The following BMPR1A variants were observed in gnomAD, a reference collection of about 807,000 sequenced individuals.
BMPR1A encodes the protein bone morphogenetic protein receptor type 1A.
In BMPR1A, 7 loss-of-function variants were observed where a neutral mutation model predicts 66.0. That is an observed-to-expected ratio of 0.11 (90% confidence interval 0.06 to 0.20). The LOEUF is 0.20. Ranked by LOEUF, BMPR1A falls within the 10% of genes least tolerant of loss-of-function variation. The probability of loss-of-function intolerance (pLI) is 1.00; values close to 1 mark genes in which losing one functional copy is unlikely to be tolerated. For missense variants in BMPR1A, 408 were observed against 669.1 expected, an observed-to-expected ratio of 0.61 and a Z score of 4.31; for synonymous variants, 200 against 229.7, an observed-to-expected ratio of 0.87 and a Z score of 1.17.
At chr10:86,831,170 C>T (rs1214743048) in intron 1 of BMPR1A, among the ~76,000 whole-genome samples, 1 of 152,210 alleles carries the variant, frequency 6.6e-6, no homozygotes, top group Non-Finnish European at 1.5e-5. Flanking sequence ...TCTTCGTCTG[C>T]ATCAGTACAG....
chr10:86,797,263 C>T (rs1396731514), intron 1 of BMPR1A, among the ~76,000 whole-genome samples: 6 of 113,932 alleles, frequency 5.3e-5, no homozygotes, highest in East Asian at 4.2e-4. Flanking sequence ...CGGAGTCTTG[C>T]TCTGTTGTCT....
intron 1 of BMPR1A, among the ~76,000 whole-genome samples, chr10:86,806,701 A>G (rs1841893174): frequency 6.6e-6 from 1 of 151,648 alleles, no homozygotes; most frequent in African/African-American, 2.4e-5. Flanking sequence ...ACAGGTGCAC[A>G]CCACCAAACC....
At chr10:86,842,956 C>A (rs930612807) in intron 2 of BMPR1A, among the ~76,000 whole-genome samples, 1 of 152,090 alleles carries the variant, frequency 6.6e-6, no homozygotes, top group African/African-American at 2.4e-5. Context: ...ATGGGAGCTA[C>A]AATTCAAGAG....
At chr10:86,799,516 TTTTCTTTTCTTTTC>T (rs1426133103) in intron 1 of BMPR1A, among the ~76,000 whole-genome samples, 170 of 121,554 alleles carry the variant, frequency 1.4e-3, no homozygotes, top group African/African-American at 4.6e-3. Context: ...CTTTCTTTTC[TTTTCTTTTCTTTTC>T]TTTCTTTTCT....
In BMPR1A at chr10:86,925,339, A is replaced by G. The variant is rs1254505693; in HGVS notation, c.*1620A>G. 5 of 221,106 alleles carry G rather than the reference A, an allele frequency of 2.3e-5. No individual in the cohort carries two copies. Among genetic ancestry groups the G allele is most frequent in the Non-Finnish European group, 4.5e-5 (5 of 110,728 alleles). 13.7% of individuals were successfully genotyped at this position (221,106 alleles called of 1,614,324 possible). ...AAAATAAATGTGATTATATCACATC[A>G]TCATCAAAAAGGTTTAAATTAAATG... On this transcript the variant is annotated 3_prime_UTR_variant, in exon 13 of 13. Coordinates refer to ENST00000372037, the MANE Select transcript of BMPR1A (RefSeq NM_004329.3).
At chr10:86,760,244 CTTTCTTTTT>C (rs1429861194) in intron 1 of BMPR1A, among the ~76,000 whole-genome samples, 7 of 27,824 alleles carry the variant, frequency 2.5e-4, no homozygotes, top group Non-Finnish European at 3.9e-4. Context: ...TTCTTTCTTT[CTTTCTTTTT>C]TTTTTTTTTT....
intron 7 of BMPR1A, among the ~76,000 whole-genome samples, chr10:86,902,526 TC>T (rs1589283856): frequency 1.3e-5 from 2 of 152,170 alleles, no homozygotes; most frequent in East Asian, 3.8e-4. Flanking sequence ...CTTAAGGAAA[TC>T]TGTTCAGCCC....
At chr10:86,861,638 T>C (rs1480369427) in intron 2 of BMPR1A, among the ~76,000 whole-genome samples, 1 of 152,250 alleles carries the variant, frequency 6.6e-6, no homozygotes, top group Non-Finnish European at 1.5e-5. Context: ...CATGTGGTAC[T>C]GTAAAAGCAT....
chr10:86,762,302 C>A (rs1841074926), intron 1 of BMPR1A, among the ~76,000 whole-genome samples: 1 of 152,208 alleles, frequency 6.6e-6, no homozygotes, highest in South Asian at 2.1e-4. Context: ...AGGTTATAGA[C>A]CTCGTATCGA....
chr10:86,896,858 G>C (rs904960811), intron 5 of BMPR1A, among the ~76,000 whole-genome samples: 1 of 152,184 alleles, frequency 6.6e-6, no homozygotes, highest in Non-Finnish European at 1.5e-5. Context: ...ACGCCAGCAA[G>C]CATTTTGACC....
chr10:86,881,101 T>C (rs1198573888), intron 3 of BMPR1A, among the ~76,000 whole-genome samples: 3 of 151,882 alleles, frequency 2.0e-5, no homozygotes, highest in Non-Finnish European at 4.4e-5. Flanking sequence ...AAATTTTAAT[T>C]AGCTGAGTGT....
chr10:86,925,819 C>G lies in BMPR1A; in HGVS notation c.*2100C>G, dbSNP rs1843732917. 1 of 154,992 alleles carries G rather than the reference C, an allele frequency of 6.5e-6. No individual in the cohort carries two copies. The highest frequency in any genetic ancestry group is 6.9e-5 in the Admixed American group (1 of 14,470). 9.6% of individuals were successfully genotyped at this position (154,992 alleles called of 1,614,324 possible). On this transcript the variant is annotated 3_prime_UTR_variant, in exon 13 of 13. Coordinates refer to ENST00000372037, the MANE Select transcript of BMPR1A (RefSeq NM_004329.3). ...CTCGGCTCACTGCAAGCTCCGCTTC[C>G]CGGGTTCACGCCATTCTCCTGCCTC... is the stretch of plus-strand genomic sequence containing the variant.
intron 1 of BMPR1A, among the ~76,000 whole-genome samples, chr10:86,819,759 G>A (rs11202209): frequency 0.016 from 2,401 of 152,276 alleles, 38 homozygotes; most frequent in South Asian, 0.079. Flanking sequence ...TGGAATTACC[G>A]GTAGGGTAAC....
rs779371501 is a variant in BMPR1A, at chr10:86,923,445, G to A, written c.1412G>A (p.Arg471His). The change falls in exon 12 of 13, where the codon CGT (arginine) becomes CAT (histidine). Residue 471 changes from arginine to histidine, a missense_variant. Arg to His is a conservative substitution (Grantham distance 29). This residue lies in a region of BMPR1A where 130 missense variants were observed against 257.3 expected (regional missense o/e 0.51). Transcript: ENST00000372037. ...AGTGATCCGTCATACGAAGATATGCGTGAGGTTGTGTGTGTCAAACGTTTG... is the reference window on the plus strand; with the variant it reads ...AGTGATCCGTCATACGAAGATATGCATGAGGTTGTGTGTGTCAAACGTTTG... Reference protein sequence around the residue: ...VPSDPSYEDMREVVCVKRLRP... With the variant: ...VPSDPSYEDMHEVVCVKRLRP... 6.2e-6 allele frequency: 10 copies of A among 1,614,182 alleles called. No homozygotes were observed. The highest frequency in any genetic ancestry group is 1.3e-5 in the African/African-American group (1 of 75,032).
chr10:86,887,119 C>T (rs1843077198), intron 3 of BMPR1A, among the ~76,000 whole-genome samples: 2 of 152,118 alleles, frequency 1.3e-5, no homozygotes, highest in African/African-American at 4.8e-5. Flanking sequence ...AGGCGTGAGC[C>T]ACCGCGCCTG....
In BMPR1A at chr10:86,893,878, T is replaced by C. The variant is rs185090140; in HGVS notation, c.333+1649T>C. Among the ~76,000 whole-genome samples the C allele has an allele frequency of 2.6e-5, 4 of 152,328 alleles. No homozygotes were observed. The East Asian group carries it at 7.7e-4, about 29-fold the overall frequency. On this transcript the variant is annotated intron_variant, in intron 5 of 12. Coordinates refer to ENST00000372037, the MANE Select transcript of BMPR1A (RefSeq NM_004329.3). ...CAGCTAATGTTTGGAATCACCCTTG[T>C]TGCAAATGACTGCAAATCTATCTTC... is the stretch of plus-strand genomic sequence containing the variant.
In BMPR1A at chr10:86,763,790, G is replaced by GTTTT. The variant is rs5786745; in HGVS notation, c.-268+6887_-268+6890dup. Among the ~76,000 whole-genome samples, 50 of 117,390 alleles carry GTTTT rather than the reference G, an allele frequency of 4.3e-4. 1 individual carries two copies. The highest frequency in any genetic ancestry group is 4.3e-3 in the Middle Eastern group (1 of 232). 77.0% of individuals were successfully genotyped at this position (117,390 alleles called of 152,430 possible). A position where few individuals can be genotyped will look rare whatever the true frequency, so the allele number is the denominator to read the frequency against. On this transcript the variant is annotated intron_variant, in intron 1 of 12. Transcript: ENST00000372037. ...AAATCTGTAGGAGACTTGGATAGTTGTTTTTTTTTTTTTTTTTTTGAGACG... is the reference window on the plus strand; with the variant it reads ...AAATCTGTAGGAGACTTGGATAGTTGTTTTTTTTTTTTTTTTTTTTTTTGAGACG...
chr10:86,758,786 CA>C (rs1847923680), intron 1 of BMPR1A, among the ~76,000 whole-genome samples: 1 of 152,202 alleles, frequency 6.6e-6, no homozygotes, highest in South Asian at 2.1e-4. Flanking sequence ...ATTTCACCTT[CA>C]CAAGGAACTA....
intron 3 of BMPR1A, among the ~76,000 whole-genome samples, chr10:86,888,955 ATCT>A (rs1356608161): frequency 1.3e-5 from 2 of 151,910 alleles, no homozygotes; most frequent in Non-Finnish European, 2.9e-5. Flanking sequence ...TCAGTAGTTT[ATCT>A]CATCAGTATG....
Sources: gnomAD v4.1 joint callset for allele counts (sites outside exome capture counted in the v4.1 genomes callset) on GRCh38, gnomAD v4.1.1 for gene constraint, gnomAD v4.1.1 regional missense constraint, MANE v1.5 for transcripts, NCBI Gene and HGNC (gene_info 2026-07-23, HGNC 2026-07-21) for gene names.